The following FAM78A variants were observed in gnomAD, a reference collection of about 807,000 sequenced individuals.
The protein encoded by FAM78A is protein FAM78A.
A neutral mutation model predicts 22.6 loss-of-function variants in FAM78A; 12 were observed. The observed-to-expected ratio is 0.53, with a 90% CI of 0.34 to 0.86. FAM78A has a LOEUF of 0.86. Ranked by LOEUF, FAM78A falls within the 40% of genes least tolerant of loss-of-function variation. The probability of loss-of-function intolerance (pLI) is 0.02; values close to 1 mark genes in which losing one functional copy is unlikely to be tolerated. For missense variants in FAM78A, 322 were observed against 396.1 expected (o/e 0.81, Z 1.59); for synonymous variants, 151 against 155.8 (o/e 0.97, Z 0.23).
upstream of FAM78A, among the ~76,000 whole-genome samples, chr9:131,277,871 C>G (rs1835504688): frequency 6.6e-6 from 1 of 151,272 alleles, no homozygotes; most frequent in South Asian, 2.1e-4. This position sits in a 1 kb window ranked among gnomAD's most constrained non-coding sequence, Gnocchi z 8.4. Context: ...GCGCCCCGCG[C>G]TGCCTCGCTC....
Position 131,276,232 on chromosome 9 carries a change from C to T in FAM78A, c.-53G>A. 6.8e-7 allele frequency: 1 copy of T among 1,477,500 alleles called. No individual in the cohort carries two copies. The highest frequency in any genetic ancestry group is 1.9e-5 in the Admixed American group (1 of 52,956). The allele number at this position is 1,477,500 out of a possible 1,614,324, so 91.5% of individuals were successfully genotyped here. ...TACAGACGGCGCTGCTCTCCAATCT[C>T]AACTCTCAAGACCGATATCCATAGG... On this transcript the variant is annotated 5_prime_UTR_variant, in exon 1 of 2. It removes the in-frame stop codon of an upstream open reading frame in the 5' UTR. Transcript: ENST00000372271. This position sits in a 1 kb window ranked among gnomAD's most constrained non-coding sequence, Gnocchi z 4.3.
rs1835332580 is a variant in FAM78A at position 131,265,485 on chromosome 9, G to A, written c.324-4135C>T. Among the ~76,000 whole-genome samples, 1 of 152,100 alleles carries A rather than the reference G, an allele frequency of 6.6e-6. No homozygotes were observed. The highest frequency in any genetic ancestry group is 1.5e-5 in the Non-Finnish European group (1 of 68,032). ...GTTGGTCTCGAACTCCTGACCTCAG[G>A]TAACCCACCCACCTCAGCCTCTCAC... On this transcript the variant is annotated intron_variant, in intron 1 of 1. Transcript: ENST00000372271. The surrounding 1 kb of genome is among the most constrained non-coding windows in gnomAD (Gnocchi z 4.3).
Position 131,258,955 on chromosome 9 carries a change from G to C in FAM78A, c.*1867C>G, listed in dbSNP as rs572390593. On this transcript the variant is annotated 3_prime_UTR_variant, in exon 2 of 2. Coordinates refer to ENST00000372271, the MANE Select transcript of FAM78A (RefSeq NM_033387.4). The stretch of plus-strand genomic sequence containing the variant: ...CAGCCTCCTGGCACGAGCTGGGCCC[G>C]GAGACCGACGGCAGTGGCTAAACGG... The C allele has an allele frequency of 2.0e-5, 3 of 152,578 alleles. No individual in the cohort carries two copies. The highest frequency in any genetic ancestry group is 4.4e-5 in the Non-Finnish European group (3 of 68,044). 9.5% of individuals were successfully genotyped at this position (152,578 alleles called of 1,614,324 possible). A position where few individuals can be genotyped will look rare whatever the true frequency, so the allele number is the denominator to read the frequency against.
At chr9:131,269,503 G>A (rs1361396978) in intron 1 of FAM78A, among the ~76,000 whole-genome samples, 3 of 151,080 alleles carry the variant, frequency 2.0e-5, no homozygotes, top group Non-Finnish European at 4.4e-5. Context: ...TTTTGAGACA[G>A]TCTAGCTCTG....
In FAM78A at chr9:131,270,156, A is replaced by C. The variant is rs1835399453; in HGVS notation, c.323+5701T>G. The C allele has an allele frequency of 2.5e-5, 16 of 652,340 alleles. No individual in the cohort carries two copies. The East Asian group carries it at 4.1e-4, about 17-fold the overall frequency. The allele number at this position is 652,340 out of a possible 1,614,324, so 40.4% of individuals were successfully genotyped here. On this transcript the variant is annotated intron_variant, in intron 1 of 1. Coordinates refer to ENST00000372271, the MANE Select transcript of FAM78A (RefSeq NM_033387.4). ...GGGAGGCGGATGTTGCAGTGAGCCA[A>C]GATCATGCCACTGCACTCCAGCCTG...
At chr9:131,278,158 G>C (rs1372436200), upstream of FAM78A, among the ~76,000 whole-genome samples, 2 of 149,776 alleles carry the variant, frequency 1.3e-5, no homozygotes, top group Admixed American at 6.6e-5. Flanking sequence ...GCTCCCCCTC[G>C]CTCCCTGTCT....
chr9:131,272,501 C>G lies in FAM78A; in HGVS notation c.323+3356G>C, dbSNP rs1235956414. Among the ~76,000 whole-genome samples, 1 of 152,232 alleles carries G rather than the reference C, an allele frequency of 6.6e-6. No homozygotes were observed. The highest frequency in any genetic ancestry group is 1.5e-5 in the Non-Finnish European group (1 of 68,042). On this transcript the variant is annotated intron_variant, in intron 1 of 1. Coordinates refer to ENST00000372271, the MANE Select transcript of FAM78A (RefSeq NM_033387.4). This position sits in a 1 kb window ranked among gnomAD's most constrained non-coding sequence, Gnocchi z 4.1. ...CAGAATTACCTGACCCTGGGCCAGG[C>G]AGAGCAGAGGAACAATTCTGGGCTG... is the stretch of plus-strand genomic sequence containing the variant.
rs574570111 is a variant in FAM78A at position 131,269,705 on chromosome 9, G to C, written c.323+6152C>G. On this transcript the variant is annotated intron_variant, in intron 1 of 1. Transcript: ENST00000372271. The stretch of plus-strand genomic sequence containing the variant: ...TTGGCCAGGCTGGTCTCGAACTCCT[G>C]ACCTCAGATGATCCACCTGCCTCAG... Among the ~76,000 whole-genome samples, 158 of 152,186 alleles carry C rather than the reference G, an allele frequency of 1.0e-3. 1 individual carries two copies. Among genetic ancestry groups the C allele is most frequent in the African/African-American group, 3.6e-3 (150 of 41,544 alleles).
intron 1 of FAM78A, among the ~76,000 whole-genome samples, chr9:131,266,252 C>A (rs561478952): frequency 3.0e-4 from 46 of 152,310 alleles, no homozygotes; most frequent in African/African-American, 1.1e-3. Flanking sequence ...GATGGCATGG[C>A]TCCAACCCTG....
upstream of FAM78A, among the ~76,000 whole-genome samples, chr9:131,277,246 C>T (rs1313486844): frequency 3.3e-5 from 5 of 151,916 alleles, no homozygotes; most frequent in Non-Finnish European, 2.9e-5. This position sits in a 1 kb window ranked among gnomAD's most constrained non-coding sequence, Gnocchi z 8.4. Context: ...GCGGCGAGCA[C>T]TTGCCCTGCT....
At position 131,270,999 on chromosome 9, in the gene FAM78A, G is replaced by GCCTTTTTTTTTTTTTTT. The variant is rs1311041330; in HGVS notation, c.323+4857_323+4858insAAAAAAAAAAAAAAAGG. On this transcript the variant is annotated intron_variant, in intron 1 of 1. Coordinates refer to ENST00000372271, the MANE Select transcript of FAM78A (RefSeq NM_033387.4). The stretch of plus-strand genomic sequence containing the variant: ...ACCCCTGCCCTGTCCTTTCCCACCA[G>GCCTTTTTTTTTTTTTTT]TCTTTTTTTTTTTTTTTTTTTTTTG... Among the ~76,000 whole-genome samples, 2 of 131,964 alleles carry GCCTTTTTTTTTTTTTTT rather than the reference G, an allele frequency of 1.5e-5. 1 individual carries two copies. The allele number at this position is 131,964 out of a possible 152,430, so 86.6% of individuals were successfully genotyped here.
upstream of FAM78A, among the ~76,000 whole-genome samples, chr9:131,277,087 C>G (rs1835496644): frequency 6.6e-6 from 1 of 151,240 alleles, no homozygotes; most frequent in Admixed American, 6.6e-5. The surrounding 1 kb of genome is among the most constrained non-coding windows in gnomAD (Gnocchi z 8.4). Context: ...GCGGTCTCCC[C>G]GGAGGCGGTG....
At chr9:131,280,882 G>A (rs867415078), upstream of FAM78A, among the ~76,000 whole-genome samples, 2 of 152,302 alleles carry the variant, frequency 1.3e-5, no homozygotes, top group African/African-American at 4.8e-5. Flanking sequence ...CAGGGATCAG[G>A]GGTTGACCCG....
chr9:131,261,215 C>G lies in FAM78A; in HGVS notation c.459G>C (p.Lys153Asn). The G allele has an allele frequency of 6.2e-7, 1 of 1,613,760 alleles. No homozygotes were observed. The highest frequency in any genetic ancestry group is 1.1e-5 in the South Asian group (1 of 91,072). Reference protein sequence around the residue: ...TIVGPTKRDSKFIISMNDNFY... With the variant: ...TIVGPTKRDSNFIISMNDNFY... ...AGTTGTCATTCATGCTGATGATGAA[C>G]TTGGAGTCCCTCTTGGTGGGGCCCA... Residue 153 changes from lysine (K) to asparagine (N), a missense_variant, in exon 2 of 2, where the codon AAG becomes AAC. Physicochemically the swap from Lys to Asn is moderately conservative, Grantham distance 94. Transcript: ENST00000372271. The surrounding 1 kb of genome is among the most constrained non-coding windows in gnomAD (Gnocchi z 7.1).
chr9:131,261,254 C>T lies in FAM78A; in HGVS notation c.420G>A (p.Glu140=), dbSNP rs753551252. ...TGGTGGGGCCCACGATGGTGCAGGT[C>T]TCTGTGGTGTTGCCGTACCAGGGGT... ...VNYPWYGNTT[E]TCTIVGPTKR... is the part of the protein sequence containing the mutation. The change falls in exon 2 of 2, where the codon GAG becomes GAA. Residue 140 remains glutamate (E), a synonymous_variant. Coordinates refer to ENST00000372271, the MANE Select transcript of FAM78A (RefSeq NM_033387.4). The surrounding 1 kb of genome is among the most constrained non-coding windows in gnomAD (Gnocchi z 7.1). 3.1e-6 allele frequency: 5 copies of T among 1,612,566 alleles called. No homozygotes were observed. Among genetic ancestry groups the T allele is most frequent in the Non-Finnish European group, 4.2e-6 (5 of 1,179,960 alleles).
intron 1 of FAM78A, among the ~76,000 whole-genome samples, chr9:131,270,042 A>T (rs548092974): frequency 5.6e-4 from 84 of 148,884 alleles, no homozygotes; most frequent in East Asian, 3.0e-3. Context: ...TAAAATAAAA[A>T]AAAAAAAAAA....
rs1035877242 is a variant in FAM78A at position 131,262,000 on chromosome 9, G to GCTGATCACT, written c.324-659_324-651dup. On this transcript the variant is annotated intron_variant, in intron 1 of 1. Coordinates refer to ENST00000372271, the MANE Select transcript of FAM78A (RefSeq NM_033387.4). The surrounding 1 kb of genome is among the most constrained non-coding windows in gnomAD (Gnocchi z 7.1). ...CCAGCACTTTGGGAGGCTGAGGCAG[G>GCTGATCACT]CTGATCACTTGAGGTTAGGAGTTCA... Among the ~76,000 whole-genome samples the GCTGATCACT allele has an allele frequency of 6.6e-6, 1 of 152,040 alleles. No individual in the cohort carries two copies. Among genetic ancestry groups the GCTGATCACT allele is most frequent in the African/African-American group, 2.4e-5 (1 of 41,370 alleles).
At chr9:131,269,911 C>G (rs778497036) in intron 1 of FAM78A, among the ~76,000 whole-genome samples, 2 of 151,792 alleles carry the variant, frequency 1.3e-5, no homozygotes, top group Admixed American at 6.6e-5. Flanking sequence ...TCTAAAAGTA[C>G]AGGCCGGGCA....
chr9:131,269,026 G>A lies in FAM78A; in HGVS notation c.323+6831C>T, dbSNP rs982416808. 1.1e-4 allele frequency among the ~76,000 whole-genome samples: 16 copies of A among 150,296 alleles called. 1 individual carries two copies. The highest frequency in any genetic ancestry group is 1.1e-3 in the Admixed American group (16 of 15,048). The stretch of plus-strand genomic sequence containing the variant: ...AGCCTGACTAACATGGTGAAACCCC[G>A]AGAGGCAGAGGTTGCAATGAGCCGA... On this transcript the variant is annotated intron_variant, in intron 1 of 1. Transcript: ENST00000372271.
Sources: gnomAD v4.1 joint callset for allele counts (sites outside exome capture counted in the v4.1 genomes callset) on GRCh38, gnomAD v4.1.1 for gene constraint, Gnocchi (gnomAD v3.1) non-coding constraint, MANE v1.5 for transcripts, NCBI Gene and HGNC (gene_info 2026-07-23, HGNC 2026-07-21) for gene names.